The following CCDC74A variants were observed in gnomAD, a reference collection of about 807,000 sequenced individuals.
The protein encoded by CCDC74A is coiled-coil domain-containing protein 74A.
In CCDC74A, 38 loss-of-function variants were observed where a neutral mutation model predicts 37.6. That is an observed-to-expected ratio of 1.01 (90% confidence interval 0.78 to 1.33). CCDC74A has a LOEUF of 1.33. Ranked by LOEUF, CCDC74A falls within the 40% of genes most tolerant of loss-of-function variation. The pLI, the probability that CCDC74A is intolerant of heterozygous loss-of-function variation, is 0.00. For synonymous variants in CCDC74A, 134 were observed against 165.2 expected (o/e 0.81, Z 1.45); for missense variants, 340 against 403.4 (o/e 0.84, Z 1.35).
upstream of CCDC74A, among the ~76,000 whole-genome samples, chr2:131,525,711 C>CTTTTTT (rs58721770): frequency 1.1e-3 from 71 of 63,446 alleles, no homozygotes; most frequent in Non-Finnish European, 1.3e-3. Flanking sequence ...CTATGCCTGC[C>CTTTTTT]TTTTTTTTTT....
chr2:131,530,223 C>G (rs1486784066), intron 2 of CCDC74A: 1 of 1,547,350 alleles, frequency 6.5e-7, no homozygotes, highest in Admixed American at 2.0e-5. Flanking sequence ...ATCCTGACAG[C>G]GGCCCCCACC....
chr2:131,529,250 C>T (rs779942974), intron 1 of CCDC74A: 193 of 362,054 alleles, frequency 5.3e-4, no homozygotes, highest in Non-Finnish European at 9.1e-4. Context: ...TCTTCTTGAG[C>T]CTCAGGACGC....
At chr2:131,524,886 C>CAAAAAAAAAAAA (rs57589680), upstream of CCDC74A, among the ~76,000 whole-genome samples, 1 of 98,276 alleles carries the variant, frequency 1.0e-5, no homozygotes, top group African/African-American at 4.1e-5. Flanking sequence ...CATAGTAAGA[C>CAAAAAAAAAAAA]AAAAAAAAAA....
intron 1 of CCDC74A, 65 bp downstream of exon 1, chr2:131,528,285 G>A (rs781005763): frequency 1.3e-6 from 2 of 1,585,490 alleles, no homozygotes; most frequent in Non-Finnish European, 1.7e-6. Context: ...TGCCGCTCCC[G>A]CAGCACAGAA....
chr2:131,530,022 G>C, intron 2 of CCDC74A: 1 of 1,550,246 alleles, frequency 6.5e-7, no homozygotes, highest in Non-Finnish European at 8.7e-7. Flanking sequence ...CTAGATCTTT[G>C]CCTCAGATTG....
In CCDC74A at chr2:131,530,305, G is replaced by C; in HGVS notation, c.296-472G>C. ...TTTGGGGCTGGGGCTGACATCAGGA[G>C]GACATCTGACTGGTGGATGGAGCCA... On this transcript the variant is annotated intron_variant, in intron 2 of 7. Transcript: ENST00000409856. 2.6e-6 allele frequency: 4 copies of C among 1,543,154 alleles called. No homozygotes were observed. In the African/African-American group the frequency reaches 4.1e-5, roughly 16 times the overall value.
At chr2:131,522,715 G>A (rs544496573), upstream of CCDC74A, among the ~76,000 whole-genome samples, 2 of 152,160 alleles carry the variant, frequency 1.3e-5, no homozygotes, top group African/African-American at 4.8e-5. Flanking sequence ...ACGATCTACC[G>A]CTAGGATATA....
At chr2:131,525,169 A>T (rs550059149), upstream of CCDC74A, among the ~76,000 whole-genome samples, 4 of 151,650 alleles carry the variant, frequency 2.6e-5, no homozygotes, top group East Asian at 7.7e-4. Context: ...GTCATCTGTT[A>T]AAAAAAAATA....
intron 4 of CCDC74A, 136 bp from the exon 5 acceptor site, chr2:131,532,453 G>A (rs1573552100): frequency 8.7e-6 from 9 of 1,033,160 alleles, no homozygotes; most frequent in Non-Finnish European, 1.1e-5. Flanking sequence ...GGTGCCCAGA[G>A]CACCCTGCTC....
At position 131,533,272 on chromosome 2, in the gene CCDC74A, G is replaced by C; in HGVS notation, c.813G>C (p.Leu271=). The part of the protein sequence containing the change: ...VSTKSLSKKC[L]SPPVAERAIL... The stretch of plus-strand genomic sequence containing the variant: ...ACAGTCCCTCTACCCGCCCCAGCCT[G>C]AGCCCACCTGTGGCGGAGCGTGCCA... The change falls in exon 8 of 8, where the codon CTG becomes CTC. Residue 271 remains leucine (L), a synonymous_variant. Transcript: ENST00000409856. 1 of 1,612,888 alleles carries C rather than the reference G, an allele frequency of 6.2e-7. No homozygotes were observed. Among genetic ancestry groups the C allele is most frequent in the Non-Finnish European group, 8.5e-7 (1 of 1,179,876 alleles).
At chr2:131,530,209 C>G in intron 2 of CCDC74A, 1 of 1,548,476 alleles carries the variant, frequency 6.5e-7, no homozygotes, top group Non-Finnish European at 8.7e-7. Context: ...CAAGGCACTT[C>G]CCCATCCTGA....
At chr2:131,528,373 G>A (rs1207548326) in intron 1 of CCDC74A, 153 bp downstream of exon 1, 9 of 1,549,412 alleles carry the variant, frequency 5.8e-6, no homozygotes, top group Non-Finnish European at 7.8e-6. Context: ...ACGCTGAGCT[G>A]TCCCCTCCTC....
At position 131,533,347 on chromosome 2, in the gene CCDC74A, G is replaced by A; in HGVS notation, c.888G>A (p.Gln296=). Residue 296 remains glutamine (Q), a synonymous_variant, in exon 8 of 8, where the codon CAG becomes CAA. Transcript: ENST00000409856. Reference sequence around the variant, plus strand: ...CGAAGAACAACTTTGCCGAGAGGCAGAAGAGGCTGCAGGCAATGCAGAAAC... The same window carrying A: ...CGAAGAACAACTTTGCCGAGAGGCAAAAGAGGCTGCAGGCAATGCAGAAAC... The part of the protein sequence containing the change: ...QTPKNNFAER[Q]KRLQAMQKRR... 6.2e-7 allele frequency: 1 copy of A among 1,613,602 alleles called. No individual in the cohort carries two copies. Among genetic ancestry groups the A allele is most frequent in the Non-Finnish European group, 8.5e-7 (1 of 1,179,982 alleles).
chr2:131,528,694 C>T, intron 1 of CCDC74A: 1 of 413,212 alleles, frequency 2.4e-6, no homozygotes, highest in Non-Finnish European at 4.6e-6. Flanking sequence ...GTCTGTAGTC[C>T]CAGCTACTCG....
chr2:131,525,465 G>A (rs766886663), upstream of CCDC74A, among the ~76,000 whole-genome samples: 9 of 152,004 alleles, frequency 5.9e-5, no homozygotes, highest in Admixed American at 2.6e-4. Flanking sequence ...AGATGCTCCT[G>A]CTTTGGCCTC....
At chr2:131,529,222 G>A (rs192084075) in intron 1 of CCDC74A, 13 of 308,480 alleles carry the variant, frequency 4.2e-5, no homozygotes, top group African/African-American at 2.5e-4. Flanking sequence ...TGTTTTGTCA[G>A]GACCCCGCTT....
chr2:131,529,569 G>C (rs1429949575), intron 1 of CCDC74A, 78 bp from the exon 2 acceptor site: 1 of 1,598,664 alleles, frequency 6.3e-7, no homozygotes, highest in African/African-American at 1.3e-5. Flanking sequence ...CAGCAGCCAG[G>C]AGAGGACAGG....
At chr2:131,529,337 G>T (rs1173820103) in intron 1 of CCDC74A, 1 of 568,682 alleles carries the variant, frequency 1.8e-6, no homozygotes, top group Non-Finnish European at 3.2e-6. Flanking sequence ...ATAGCCAGGG[G>T]TTCCGGAGTT....
chr2:131,532,914 C>G lies in CCDC74A; in HGVS notation c.729C>G (p.Ala243=), dbSNP rs756067437. ...AAGGGAGCCAGAGGCCCCAGGCAGC[C>G]CCGGAGGAAGCTAGCTTTCCCAGGT... The part of the protein sequence containing the change: ...LLEGSQRPQA[A]PEEASFPRDQ... The change falls in exon 6 of 8, where the codon GCC becomes GCG. Residue 243 remains alanine (A), a synonymous_variant. Coordinates refer to ENST00000409856, the MANE Select transcript of CCDC74A (RefSeq NM_001258306.3). 1.2e-6 allele frequency: 2 copies of G among 1,613,552 alleles called. No individual in the cohort carries two copies. Among genetic ancestry groups the G allele is most frequent in the African/African-American group, 2.7e-5 (2 of 74,918 alleles).
Sources: allele counts gnomAD v4.1 joint callset (sites outside exome capture counted in the v4.1 genomes callset), GRCh38; gene constraint gnomAD v4.1.1; transcripts MANE v1.5; gene names NCBI Gene and HGNC (gene_info 2026-07-23, HGNC 2026-07-21).